Variants in R3HDM1 observed in about 807,000 individuals in gnomAD.
The protein encoded by R3HDM1 is R3H domain-containing protein 1.
R3HDM1 carries 46 observed loss-of-function variants against 141.1 expected under a neutral mutation model. The ratio of observed to expected loss-of-function variants is 0.33; its 90% CI spans 0.26 to 0.42. The LOEUF is 0.42. Among genes scored for constraint, R3HDM1 ranks in the 10% least tolerant of loss-of-function variants. The probability of loss-of-function intolerance (pLI) is 1.00; values close to 1 mark genes in which losing one functional copy is unlikely to be tolerated. For synonymous variants in R3HDM1, 435 were observed against 472.9 expected (o/e 0.92, Z 1.04); for missense variants, 1,184 against 1,368.3 (o/e 0.87, Z 2.12).
chr2:135,554,277 C>T (rs1700327275), intron 1 of R3HDM1, among the ~76,000 whole-genome samples: 1 of 152,154 alleles, frequency 6.6e-6, no homozygotes, highest in African/African-American at 2.4e-5. Context: ...AGTATGTGGT[C>T]TTTTGCAACT....
intron 20 of R3HDM1, among the ~76,000 whole-genome samples, 170 bp from the exon 21 acceptor site, chr2:135,680,003 C>T (rs754143477): frequency 1.3e-5 from 2 of 152,146 alleles, no homozygotes; most frequent in African/African-American, 4.8e-5. Flanking sequence ...TTGCTTCAAC[C>T]CAGGAGGCAG....
intron 21 of R3HDM1, among the ~76,000 whole-genome samples, chr2:135,684,714 G>T (rs1350265937): frequency 6.6e-6 from 1 of 151,872 alleles, no homozygotes; most frequent in African/African-American, 2.4e-5. Flanking sequence ...GAGGAATTGG[G>T]TGGTGAGTTT....
intron 23 of R3HDM1, 105 bp downstream of exon 23, chr2:135,710,336 G>C (rs1575184649): frequency 7.8e-7 from 1 of 1,285,788 alleles, no homozygotes; most frequent in Non-Finnish European, 1.1e-6. Context: ...ATTAATAAAA[G>C]AATTTGGGCC....
intron 19 of R3HDM1, among the ~76,000 whole-genome samples, chr2:135,668,690 T>C (rs909991050): frequency 6.6e-6 from 1 of 152,198 alleles, no homozygotes; most frequent in African/African-American, 2.4e-5. Flanking sequence ...ACTTCAAGAC[T>C]TCGCCCATAA....
At chr2:135,654,276 G>A (rs1170389190) in intron 18 of R3HDM1, among the ~76,000 whole-genome samples, 3 of 151,660 alleles carry the variant, frequency 2.0e-5, no homozygotes, top group Admixed American at 2.0e-4. Flanking sequence ...TTTCAAAGTT[G>A]ATCCACATCG....
At chr2:135,712,787 G>C (rs1214431709) in intron 23 of R3HDM1, among the ~76,000 whole-genome samples, 2 of 151,954 alleles carry the variant, frequency 1.3e-5, no homozygotes. Context: ...TGGGCGTGGT[G>C]GTGGGCGCCT....
chr2:135,605,200 T>C (rs952225291), intron 3 of R3HDM1, 184 bp downstream of exon 3: 5 of 444,958 alleles, frequency 1.1e-5, no homozygotes, highest in Non-Finnish European at 2.0e-5. Context: ...GCTTGTATCA[T>C]GTAATATACT....
At chr2:135,640,809 A>G (rs1371409432) in intron 14 of R3HDM1, among the ~76,000 whole-genome samples, 2 of 152,186 alleles carry the variant, frequency 1.3e-5, no homozygotes, top group African/African-American at 2.4e-5. Context: ...AAAATCAGTG[A>G]CATTTTCAGT....
intron 21 of R3HDM1, among the ~76,000 whole-genome samples, chr2:135,693,493 G>A (rs2072762096): frequency 6.6e-6 from 1 of 152,300 alleles, no homozygotes; most frequent in African/African-American, 2.4e-5. Context: ...GGAAGGAAGA[G>A]AGTTGAAGAC....
intron 1 of R3HDM1, among the ~76,000 whole-genome samples, chr2:135,592,988 C>T (rs553865053): frequency 1.3e-5 from 2 of 152,022 alleles, no homozygotes; most frequent in African/African-American, 2.4e-5. Context: ...GGTGCCATCT[C>T]GGCTCACTGC....
At chr2:135,672,593 C>T (rs1411499340) in intron 19 of R3HDM1, among the ~76,000 whole-genome samples, 2 of 152,078 alleles carry the variant, frequency 1.3e-5, no homozygotes, top group African/African-American at 4.8e-5. Context: ...AGATAGGGAC[C>T]ATGTCATATC....
At chr2:135,540,307 A>G (rs982177001) in intron 1 of R3HDM1, among the ~76,000 whole-genome samples, 1 of 152,196 alleles carries the variant, frequency 6.6e-6, no homozygotes, top group Non-Finnish European at 1.5e-5. Context: ...CAAGTCATCC[A>G]TAAAGGTTGA....
At chr2:135,657,497 A>C (rs1240075410) in intron 18 of R3HDM1, among the ~76,000 whole-genome samples, 1 of 152,062 alleles carries the variant, frequency 6.6e-6, no homozygotes, top group African/African-American at 2.4e-5. Flanking sequence ...CTCCAGGAAC[A>C]GTTAAGGGAT....
At chr2:135,531,953 C>T (rs1485631997) in intron 1 of R3HDM1, among the ~76,000 whole-genome samples, 1 of 152,226 alleles carries the variant, frequency 6.6e-6, no homozygotes, top group Non-Finnish European at 1.5e-5. Context: ...AAAGCAAACC[C>T]CTCGAGGCCT....
intron 3 of R3HDM1, among the ~76,000 whole-genome samples, chr2:135,615,560 G>A (rs930773304): frequency 3.3e-5 from 5 of 152,140 alleles, no homozygotes; most frequent in Admixed American, 2.6e-4. Flanking sequence ...CTGGACATCC[G>A]TATTGGAAGT....
intron 1 of R3HDM1, among the ~76,000 whole-genome samples, chr2:135,588,430 A>G (rs1708444536): frequency 6.6e-6 from 1 of 152,086 alleles, no homozygotes; most frequent in South Asian, 2.1e-4. Context: ...AGCTTCAGTC[A>G]CACACATTCA....
At chr2:135,663,360 A>C (rs1015912265) in intron 19 of R3HDM1, among the ~76,000 whole-genome samples, 1 of 152,176 alleles carries the variant, frequency 6.6e-6, no homozygotes, top group African/African-American at 2.4e-5. Flanking sequence ...TCTTTGAAAA[A>C]TGTTTGACAT....
At chr2:135,636,370 C>A (rs1282333296) in intron 11 of R3HDM1, among the ~76,000 whole-genome samples, 187 bp downstream of exon 11, 1 of 152,022 alleles carries the variant, frequency 6.6e-6, no homozygotes, top group African/African-American at 2.4e-5. Context: ...TACTACATTG[C>A]AGTAGTTATA....
intron 21 of R3HDM1, among the ~76,000 whole-genome samples, chr2:135,682,434 C>T (rs1326803702): frequency 6.6e-6 from 1 of 152,076 alleles, no homozygotes; most frequent in Non-Finnish European, 1.5e-5. Flanking sequence ...GAGAGCTTGC[C>T]ATAAGAGTGT....
Sources: allele counts gnomAD v4.1 joint callset (sites outside exome capture counted in the v4.1 genomes callset), GRCh38; gene constraint gnomAD v4.1.1; transcripts MANE v1.5; gene names NCBI Gene and HGNC (gene_info 2026-07-23, HGNC 2026-07-21).